LUZP2: variants seen among roughly 807,000 people sequenced by gnomAD.
LUZP2 encodes the protein leucine zipper protein 2.
Under a neutral mutation model 51.6 loss-of-function variants are expected in LUZP2, and 52 were observed. The ratio of observed to expected loss-of-function variants is 1.01; its 90% CI spans 0.81 to 1.27. The LOEUF is 1.27. LUZP2 is among the 50% of genes most tolerant of loss of function. The pLI, the probability that LUZP2 is intolerant of heterozygous loss-of-function variation, is 0.00. For synonymous variants in LUZP2, 154 were observed against 137.3 expected, an observed-to-expected ratio of 1.12 and a Z score of -0.85; for missense variants, 436 against 395.4, an observed-to-expected ratio of 1.10 and a Z score of -0.87.
At chr11:24,890,894 C>CTTTTTTTTTTTTTTTTT (rs34323542) in intron 5 of LUZP2, 1 of 690,782 alleles carries the variant, frequency 1.4e-6, no homozygotes, top group Admixed American at 1.1e-4. Context: ...AGTAAAAGTT[C>CTTTTTTTTTTTTTTTTT]TTTTTTTTTT....
intron 1 of LUZP2, among the ~76,000 whole-genome samples, chr11:24,602,567 G>T (rs930530388): frequency 5.9e-4 from 89 of 151,258 alleles, no homozygotes; most frequent in African/African-American, 2.0e-3. Context: ...TTTGAAAGGG[G>T]ATTTTTGTCT....
intron 1 of LUZP2, among the ~76,000 whole-genome samples, chr11:24,508,706 T>A (rs927617713): frequency 6.6e-6 from 1 of 152,072 alleles, no homozygotes; most frequent in African/African-American, 2.4e-5. Flanking sequence ...TTAAAAATAA[T>A]TTATAACAGT....
intron 5 of LUZP2, among the ~76,000 whole-genome samples, chr11:24,849,340 C>G (rs114929212): frequency 0.15 from 22,956 of 151,894 alleles, 1,865 homozygotes; most frequent in African/African-American, 0.2. Flanking sequence ...TCCACGTATC[C>G]TCATTGTTCA....
chr11:24,910,233 A>G (rs78627992), intron 6 of LUZP2, among the ~76,000 whole-genome samples: 8,109 of 152,240 alleles, frequency 0.053, 310 homozygotes, highest in Non-Finnish European at 0.082. Context: ...GAAAATTTGC[A>G]TACTGACAAT....
intron 5 of LUZP2, among the ~76,000 whole-genome samples, chr11:24,873,466 T>G (rs1780155430): frequency 6.6e-6 from 1 of 152,216 alleles, no homozygotes. Flanking sequence ...CCTTGCTCAG[T>G]GTTCGGAGCA....
Position 24,732,176 on chromosome 11 carries a change from G to T in LUZP2, c.239G>T (p.Gly80Val). The change falls in exon 3 of 12, where the codon GGA becomes GTA. Residue 80 changes from glycine (G) to valine (V), a missense_variant. Gly to Val is a moderately radical substitution (Grantham distance 109). Coordinates refer to ENST00000336930, the MANE Select transcript of LUZP2 (RefSeq NM_001009909.4). The stretch of plus-strand genomic sequence containing the variant: ...GATGTTCAGAAACTTCTGGAATTAG[G>T]ACAGAAACAAAGGTAAGACTTTTCT... Reference protein sequence around the residue: ...KTDVQKLLELGQKQREEMKSL... With the variant: ...KTDVQKLLELVQKQREEMKSL... 1 of 1,607,962 alleles carries T rather than the reference G, an allele frequency of 6.2e-7. No individual in the cohort carries two copies. Among genetic ancestry groups the T allele is most frequent in the Middle Eastern group, 1.7e-4 (1 of 6,030 alleles).
chr11:24,704,444 G>GAA lies in LUZP2; in HGVS notation c.63-24714_63-24713dup, dbSNP rs35062774. On this transcript the variant is annotated intron_variant, in intron 1 of 11. Transcript: ENST00000336930. The stretch of plus-strand genomic sequence containing the variant: ...CAAGGTTCTTAAATATACTAAATCA[G>GAA]AAAAAAAAAAAACAGGATTACGGAG... Among the ~76,000 whole-genome samples the GAA allele has an allele frequency of 8.7e-3, 1,220 of 140,438 alleles. 7 individuals carry two copies. Among genetic ancestry groups the GAA allele is most frequent in the African/African-American group, 0.018 (704 of 38,176 alleles). The allele number at this position is 140,438 out of a possible 152,430, so 92.1% of individuals were successfully genotyped here.
rs1414395852 is a variant in LUZP2 at position 24,723,559 on chromosome 11, C to T, written c.63-5610C>T. On this transcript the variant is annotated intron_variant, in intron 1 of 11. Transcript: ENST00000336930. Reference sequence around the variant, plus strand: ...TTAATAAACTGGCTGGACACGGCGGCCCATGCCTATAATCCCAGCACTTTG... The same window carrying T: ...TTAATAAACTGGCTGGACACGGCGGTCCATGCCTATAATCCCAGCACTTTG... Among the ~76,000 whole-genome samples the T allele has an allele frequency of 3.3e-5, 5 of 152,144 alleles. No individual in the cohort carries two copies. In the East Asian group the frequency reaches 9.6e-4, roughly 29 times the overall value.
intron 1 of LUZP2, among the ~76,000 whole-genome samples, chr11:24,714,621 A>G (rs778847738): frequency 8.5e-5 from 13 of 152,168 alleles, no homozygotes; most frequent in Non-Finnish European, 1.9e-4. Flanking sequence ...CCTAACCCAT[A>G]CGTTCATCTA....
intron 9 of LUZP2, among the ~76,000 whole-genome samples, chr11:25,011,574 C>G (rs1336667829): frequency 6.6e-6 from 1 of 152,052 alleles, no homozygotes; most frequent in Non-Finnish European, 1.5e-5. Context: ...GTAAAATATT[C>G]TAATTTTTAT....
chr11:24,641,445 G>A (rs1345899325), intron 1 of LUZP2, among the ~76,000 whole-genome samples: 1 of 151,890 alleles, frequency 6.6e-6, no homozygotes, highest in East Asian at 1.9e-4. Context: ...TTTTAAAATT[G>A]TGTGTTAATT....
intron 5 of LUZP2, among the ~76,000 whole-genome samples, chr11:24,877,351 A>G (rs1852304196): frequency 6.6e-6 from 1 of 152,136 alleles, no homozygotes; most frequent in African/African-American, 2.4e-5. Flanking sequence ...AGATCTTACT[A>G]TATGCTAAGG....
At chr11:24,980,303 A>G (rs1590799357) in intron 8 of LUZP2, among the ~76,000 whole-genome samples, 1 of 151,734 alleles carries the variant, frequency 6.6e-6, no homozygotes, top group East Asian at 1.9e-4. Flanking sequence ...TGAGAAAAGT[A>G]CTAACACACA....
At position 24,529,931 on chromosome 11, in the gene LUZP2, G is replaced by T. The variant is rs912648100; in HGVS notation, c.62+32626G>T. 6.0e-5 allele frequency among the ~76,000 whole-genome samples: 9 copies of T among 150,836 alleles called. No homozygotes were observed. In the Admixed American group the frequency reaches 6.0e-4, roughly 10 times the overall value. On this transcript the variant is annotated intron_variant, in intron 1 of 11. Coordinates refer to ENST00000336930, the MANE Select transcript of LUZP2 (RefSeq NM_001009909.4). Reference sequence around the variant, plus strand: ...TATTTTATGATTAACAATCCCCAAAGTATTCAGAGCAGAGAAGACAAATCT... The same window carrying T: ...TATTTTATGATTAACAATCCCCAAATTATTCAGAGCAGAGAAGACAAATCT...
chr11:24,854,317 G>T (rs1342969728), intron 5 of LUZP2, among the ~76,000 whole-genome samples: 1 of 152,198 alleles, frequency 6.6e-6, no homozygotes, highest in African/African-American at 2.4e-5. Flanking sequence ...TGATGCCCTG[G>T]CCCAGAGAGA....
chr11:25,067,321 C>G (rs1239974125), intron 10 of LUZP2, among the ~76,000 whole-genome samples: 1 of 151,940 alleles, frequency 6.6e-6, no homozygotes, highest in Non-Finnish European at 1.5e-5. Flanking sequence ...TTCTCCCATT[C>G]TATAGGTTGC....
In LUZP2 at chr11:24,827,123, T is replaced by C. The variant is rs1479017796; in HGVS notation, c.396+63815T>C. ...TTTTGTTACTTTCTAAAACCAATTA[T>C]GTATAAGATTGAATGGCCAATTTTA... On this transcript the variant is annotated intron_variant, in intron 5 of 11. Coordinates refer to ENST00000336930, the MANE Select transcript of LUZP2 (RefSeq NM_001009909.4). 4.6e-5 allele frequency among the ~76,000 whole-genome samples: 7 copies of C among 152,194 alleles called. No homozygotes were observed. In the South Asian group the frequency reaches 8.3e-4, roughly 18 times the overall value.
chr11:25,060,814 TC>T (rs1858814456), intron 10 of LUZP2, among the ~76,000 whole-genome samples: 1 of 152,172 alleles, frequency 6.6e-6, no homozygotes, highest in African/African-American at 2.4e-5. Context: ...CTCCTCTTTT[TC>T]CCATTCCTCT....
At chr11:24,891,914 T>C in intron 5 of LUZP2, 2 of 985,604 alleles carry the variant, frequency 2.0e-6, no homozygotes, top group Non-Finnish European at 2.4e-6. Flanking sequence ...AGGGAGAATT[T>C]ATAATGGAAA....
Sources: gnomAD v4.1 joint callset for allele counts (sites outside exome capture counted in the v4.1 genomes callset) on GRCh38, gnomAD v4.1.1 for gene constraint, MANE v1.5 for transcripts, NCBI Gene and HGNC (gene_info 2026-07-23, HGNC 2026-07-21) for gene names.